The following HSD17B3 variants were observed in gnomAD, a reference collection of about 807,000 sequenced individuals.
HSD17B3 encodes the protein 17-beta-hydroxysteroid dehydrogenase type 3.
A neutral mutation model predicts 41.1 loss-of-function variants in HSD17B3; 29 were observed. The ratio of observed to expected loss-of-function variants is 0.71; its 90% CI spans 0.53 to 0.96. The LOEUF is 0.96. HSD17B3 is among the 40% of genes least tolerant of loss of function. The pLI, the probability that HSD17B3 is intolerant of heterozygous loss-of-function variation, is 0.00. For synonymous variants in HSD17B3, 126 were observed against 145.6 expected, an observed-to-expected ratio of 0.87 and a Z score of 0.97; for missense variants, 323 against 374.6, an observed-to-expected ratio of 0.86 and a Z score of 1.14.
rs777632120 is a variant in HSD17B3, at chr9:96,244,361, C to T, written c.640G>A (p.Glu214Lys). 1.9e-6 allele frequency: 3 copies of T among 1,614,220 alleles called. No homozygotes were observed. The highest frequency in any genetic ancestry group is 2.2e-5 in the East Asian group (1 of 44,880). ...ATGACTTCTTTTGCTTTATATTCCT[C>T]TTGCAGGGCCTTGGAAAATGCGCAC... Reference protein sequence around the residue: ...FVCAFSKALQEEYKAKEVIIQ... With the variant: ...FVCAFSKALQKEYKAKEVIIQ... The change falls in exon 9 of 11, where the codon GAG (glutamate) becomes AAG (lysine). Residue 214 changes from glutamate (E) to lysine (K), a missense_variant. Glu to Lys is a moderately conservative substitution (Grantham distance 56, BLOSUM62 1). Transcript: ENST00000375263.
chr9:96,274,251 C>T (rs1331475986), intron 2 of HSD17B3, among the ~76,000 whole-genome samples: 1 of 151,948 alleles, frequency 6.6e-6, no homozygotes, highest in African/African-American at 2.4e-5. Context: ...CCAACTTGGC[C>T]AACATGGTGA....
chr9:96,261,757 C>T (rs1051291859), intron 2 of HSD17B3, among the ~76,000 whole-genome samples: 2 of 152,236 alleles, frequency 1.3e-5, no homozygotes, highest in African/African-American at 4.8e-5. Flanking sequence ...CCTGTGCTCT[C>T]CCATCTCCCT....
At chr9:96,245,567 G>C in intron 7 of HSD17B3, 141 bp from the exon 8 acceptor site, 2 of 704,460 alleles carry the variant, frequency 2.8e-6, no homozygotes. Context: ...TCTGCTTCTA[G>C]GAATGGTAAG....
intron 2 of HSD17B3, among the ~76,000 whole-genome samples, chr9:96,297,338 T>TTTA: frequency 7.7e-6 from 1 of 129,952 alleles, no homozygotes; most frequent in East Asian, 2.3e-4. Context: ...GTGTTATTGA[T>TTTA]TTCTTTTTTT....
chr9:96,236,709 G>T (rs1028341336), intron 10 of HSD17B3, among the ~76,000 whole-genome samples: 3 of 152,030 alleles, frequency 2.0e-5, no homozygotes, highest in African/African-American at 7.2e-5. Flanking sequence ...TTTTCAAAGA[G>T]GGGGAAGCCT....
At chr9:96,250,040 C>T (rs754955053) in intron 5 of HSD17B3, 25 of 1,424,108 alleles carry the variant, frequency 1.8e-5, no homozygotes, top group Non-Finnish European at 2.2e-5. Flanking sequence ...CTGGAAAACT[C>T]GGAACTATAT....
chr9:96,255,360 A>AAC (rs1490451248), intron 2 of HSD17B3, among the ~76,000 whole-genome samples: 3 of 110,718 alleles, frequency 2.7e-5, no homozygotes, highest in Middle Eastern at 5.1e-3. Flanking sequence ...TTTCTGCCCC[A>AAC]ACATTTCTTT....
chr9:96,240,975 A>C (rs1836418768), intron 9 of HSD17B3, 68 bp from the exon 10 acceptor site: 1 of 1,581,220 alleles, frequency 6.3e-7, no homozygotes, highest in East Asian at 2.2e-5. Context: ...AGAAATTAAC[A>C]CTCAAGCCCC....
At chr9:96,257,008 TC>T (rs1383443775) in intron 2 of HSD17B3, among the ~76,000 whole-genome samples, 1 of 151,942 alleles carries the variant, frequency 6.6e-6, no homozygotes, top group Non-Finnish European at 1.5e-5. Flanking sequence ...GTGTGGCACC[TC>T]CCCCTTCTCT....
intron 2 of HSD17B3, among the ~76,000 whole-genome samples, chr9:96,292,221 A>G (rs964229929): frequency 9.9e-5 from 15 of 152,216 alleles, no homozygotes; most frequent in African/African-American, 3.6e-4. Context: ...ATACACTGAA[A>G]AAATTGAACA....
intron 2 of HSD17B3, among the ~76,000 whole-genome samples, chr9:96,297,315 T>C (rs1002618935): frequency 2.6e-5 from 4 of 151,098 alleles, no homozygotes; most frequent in East Asian, 3.9e-4. Flanking sequence ...AAGCTTTTCA[T>C]TATATTTTTA....
At chr9:96,249,885 A>G (rs2130724182) in intron 5 of HSD17B3, 99 bp from the exon 6 acceptor site, 1 of 1,605,744 alleles carries the variant, frequency 6.2e-7, no homozygotes, top group Non-Finnish European at 8.5e-7. Flanking sequence ...GCAAAAGTGC[A>G]TGTCTGAACG....
In HSD17B3 at chr9:96,251,493, A is replaced by G. The variant is rs1825408777; in HGVS notation, c.386-8T>C. The G allele has an allele frequency of 6.2e-7, 1 of 1,613,592 alleles. No individual in the cohort carries two copies. Among genetic ancestry groups the G allele is most frequent in the Non-Finnish European group, 8.5e-7 (1 of 1,179,596 alleles). ...GCATTCCGACATTGTTGACTGGCAG[A>G]AAGAAGCAAAACAAAAATGTGTCAG... On this transcript the variant is annotated splice_region_variant and splice_polypyrimidine_tract_variant and intron_variant, in intron 4 of 10. Transcript: ENST00000375263.
rs764460316 is a variant in HSD17B3 at position 96,244,311 on chromosome 9, C to A, written c.672+18G>T. 1.2e-6 allele frequency: 2 copies of A among 1,613,514 alleles called. No homozygotes were observed. The highest frequency in any genetic ancestry group is 4.5e-5 in the East Asian group (2 of 44,888). On this transcript the variant is annotated intron_variant, in intron 9 of 10. Coordinates refer to ENST00000375263, the MANE Select transcript of HSD17B3 (RefSeq NM_000197.2). ...CTCACCTGGATGATGACAAGGACTC[C>A]ACAGCTGCCCACCTCACCTGGATGA...
At chr9:96,259,749 G>C (rs768740612) in intron 2 of HSD17B3, among the ~76,000 whole-genome samples, 5 of 151,832 alleles carry the variant, frequency 3.3e-5, no homozygotes, top group Non-Finnish European at 7.4e-5. Flanking sequence ...GTGTAGCGGA[G>C]AATCTGTCAC....
At chr9:96,284,884 G>C (rs976890261) in intron 2 of HSD17B3, among the ~76,000 whole-genome samples, 1 of 151,350 alleles carries the variant, frequency 6.6e-6, no homozygotes, top group African/African-American at 2.4e-5. Context: ...TGTCGACCAG[G>C]CTGGAGTGCA....
At chr9:96,268,816 G>C (rs923313443) in intron 2 of HSD17B3, among the ~76,000 whole-genome samples, 2 of 152,120 alleles carry the variant, frequency 1.3e-5, no homozygotes, top group African/African-American at 4.8e-5. Flanking sequence ...GCACGTGGTG[G>C]TGCACCCCTG....
chr9:96,268,717 G>C (rs1826129583), intron 2 of HSD17B3, among the ~76,000 whole-genome samples: 1 of 152,180 alleles, frequency 6.6e-6, no homozygotes, highest in South Asian at 2.1e-4. Flanking sequence ...GGGAAGCCGA[G>C]GTGGGCAGAT....
chr9:96,282,936 T>G (rs2130779445), intron 2 of HSD17B3, among the ~76,000 whole-genome samples: 1 of 152,102 alleles, frequency 6.6e-6, no homozygotes, highest in African/African-American at 2.4e-5. Context: ...AGAGAAGTAT[T>G]TTATTCAGTT....
Sources: allele counts gnomAD v4.1 joint callset (sites outside exome capture counted in the v4.1 genomes callset), GRCh38; gene constraint gnomAD v4.1.1; transcripts MANE v1.5; gene names NCBI Gene and HGNC (gene_info 2026-07-23, HGNC 2026-07-21).